Variants in DPF3 observed in about 807,000 individuals in gnomAD.
The protein encoded by DPF3 is double PHD fingers 3, also known as zinc finger protein DPF3.
A neutral mutation model predicts 56.8 loss-of-function variants in DPF3; 18 were observed. The ratio of observed to expected loss-of-function variants is 0.32; its 90% CI spans 0.22 to 0.47. The LOEUF (loss-of-function observed/expected upper bound fraction) is 0.47, where lower values mean the gene tolerates loss of function less well. DPF3 is among the 20% of genes least tolerant of loss of function. The probability of loss-of-function intolerance (pLI) is 1.00; values close to 1 mark genes in which losing one functional copy is unlikely to be tolerated. For synonymous variants in DPF3, 188 were observed against 180.2 expected, an observed-to-expected ratio of 1.04 and a Z score of -0.35; for missense variants, 403 against 488.8, an observed-to-expected ratio of 0.82 and a Z score of 1.65.
chr14:72,876,904 T>A (rs2140119154), intron 1 of DPF3, among the ~76,000 whole-genome samples: 1 of 152,386 alleles, frequency 6.6e-6, no homozygotes, highest in Admixed American at 6.5e-5. Flanking sequence ...CATGCTCTGC[T>A]GCCTGTAAGC....
chr14:72,824,107 A>G (rs942523937), intron 1 of DPF3, among the ~76,000 whole-genome samples: 1 of 152,160 alleles, frequency 6.6e-6, no homozygotes, highest in East Asian at 1.9e-4. Flanking sequence ...AAGCTTATCT[A>G]CCTTCTCCAA....
chr14:72,839,328 T>G (rs1180054287), intron 1 of DPF3, among the ~76,000 whole-genome samples: 1 of 152,120 alleles, frequency 6.6e-6, no homozygotes, highest in Non-Finnish European at 1.5e-5. Context: ...CTTGCAAACC[T>G]ATGAATTTTT....
intron 1 of DPF3, among the ~76,000 whole-genome samples, chr14:72,817,140 C>T (rs1030166537): frequency 2.0e-5 from 3 of 152,202 alleles, no homozygotes; most frequent in South Asian, 2.1e-4. Context: ...GGGTCCTCCA[C>T]GGGCTGCCCC....
intron 1 of DPF3, among the ~76,000 whole-genome samples, chr14:72,841,341 G>A (rs1429949685): frequency 6.6e-6 from 1 of 152,182 alleles, no homozygotes; most frequent in Non-Finnish European, 1.5e-5. Flanking sequence ...GAACTGGACA[G>A]GGGAGCTTTG....
At chr14:72,645,341 C>G (rs8008279) in intron 8 of DPF3, among the ~76,000 whole-genome samples, 23,161 of 150,942 alleles carry the variant, frequency 0.15, 1,982 homozygotes, top group Middle Eastern at 0.22. Context: ...GTCACCCAGG[C>G]TAGACTAGAG....
chr14:72,630,165 A>T (rs1297223822), intron 8 of DPF3, among the ~76,000 whole-genome samples: 1 of 152,142 alleles, frequency 6.6e-6, no homozygotes, highest in East Asian at 1.9e-4. Flanking sequence ...CCAACCAGTT[A>T]TTCACACTGC....
chr14:72,694,547 T>C (rs1887830633), intron 6 of DPF3, among the ~76,000 whole-genome samples: 1 of 152,242 alleles, frequency 6.6e-6, no homozygotes, highest in Admixed American at 6.5e-5. Flanking sequence ...ATACCCTTAT[T>C]ACTTCTGATA....
At chr14:72,764,492 T>A (rs893627371) in intron 2 of DPF3, among the ~76,000 whole-genome samples, 1 of 128,048 alleles carries the variant, frequency 7.8e-6, no homozygotes, top group Non-Finnish European at 1.6e-5. Context: ...TTGTTTTTTT[T>A]TTTTTTTTTT....
intron 1 of DPF3, among the ~76,000 whole-genome samples, chr14:72,868,309 A>C (rs1282880094): frequency 6.6e-6 from 1 of 152,166 alleles, no homozygotes; most frequent in East Asian, 1.9e-4. Context: ...AAGTTCCCAG[A>C]GCCCTAGTCT....
chr14:72,731,078 A>G (rs1337102638), intron 4 of DPF3, among the ~76,000 whole-genome samples: 2 of 152,184 alleles, frequency 1.3e-5, no homozygotes, highest in Non-Finnish European at 2.9e-5. Flanking sequence ...AGACACAAGA[A>G]TCACTTGAAC....
At chr14:72,776,774 T>C (rs922150128) in intron 1 of DPF3, among the ~76,000 whole-genome samples, 3 of 151,906 alleles carry the variant, frequency 2.0e-5, no homozygotes, top group African/African-American at 7.3e-5. Flanking sequence ...ACAGGTGTCC[T>C]GCCATACCAG....
chr14:72,658,778 G>A (rs12589753), intron 8 of DPF3, among the ~76,000 whole-genome samples: 4 of 152,220 alleles, frequency 2.6e-5, no homozygotes, highest in East Asian at 3.9e-4. Context: ...GCAAAGATCC[G>A]CTGTTATGAG....
intron 1 of DPF3, among the ~76,000 whole-genome samples, chr14:72,786,303 A>C (rs1892207101): frequency 6.6e-6 from 1 of 152,042 alleles, no homozygotes; most frequent in African/African-American, 2.4e-5. Context: ...CACAGAGGTG[A>C]GGTGACGTCC....
intron 7 of DPF3, among the ~76,000 whole-genome samples, chr14:72,689,727 G>T (rs1470692449): frequency 6.6e-6 from 1 of 152,210 alleles, no homozygotes; most frequent in African/African-American, 2.4e-5. Flanking sequence ...CACATTCGGG[G>T]CGGCGAGCAA....
intron 2 of DPF3, among the ~76,000 whole-genome samples, chr14:72,767,231 C>T (rs12100526): frequency 0.023 from 3,515 of 152,252 alleles, 134 homozygotes; most frequent in African/African-American, 0.079. Context: ...CGTCTCATAA[C>T]ATAACAGCCA....
intron 1 of DPF3, among the ~76,000 whole-genome samples, chr14:72,804,180 GACACACACACAC>G (rs545355128): frequency 8.8e-4 from 117 of 133,260 alleles, no homozygotes; most frequent in South Asian, 6.4e-3. Context: ...TGCTTTCCAG[GACACACACACAC>G]ACACACACAC....
intron 1 of DPF3, among the ~76,000 whole-genome samples, chr14:72,789,413 C>G (rs1332490909): frequency 6.6e-6 from 1 of 152,248 alleles, no homozygotes; most frequent in Non-Finnish European, 1.5e-5. Context: ...AGAGTCTGGG[C>G]TCTTAACCAC....
chr14:72,619,866 C>G, intron 10 of DPF3, 37 bp downstream of exon 10: 1 of 1,502,912 alleles, frequency 6.7e-7, no homozygotes, highest in East Asian at 2.5e-5. Context: ...GTAGTAGTAT[C>G]TGTTGCTGTT....
intron 1 of DPF3, among the ~76,000 whole-genome samples, chr14:72,774,750 T>A (rs1341962027): frequency 6.6e-6 from 1 of 152,124 alleles, no homozygotes; most frequent in East Asian, 1.9e-4. Context: ...CAAACTGTAA[T>A]CAAATTGTAA....
Sources: allele counts gnomAD v4.1 joint callset (sites outside exome capture counted in the v4.1 genomes callset), GRCh38; gene constraint gnomAD v4.1.1; transcripts MANE v1.5; gene names NCBI Gene and HGNC (gene_info 2026-07-23, HGNC 2026-07-21).